Variants in HSPG2 observed in about 807,000 individuals in gnomAD.
The protein encoded by HSPG2 is basement membrane-specific heparan sulfate proteoglycan core protein.
In HSPG2, 278 loss-of-function variants were observed where a neutral mutation model predicts 526.6. That is an observed-to-expected ratio of 0.53 (90% CI 0.48 to 0.58). The LOEUF (loss-of-function observed/expected upper bound fraction) is 0.58. HSPG2 is among the 20% of genes least tolerant of loss of function. The pLI is 0.00. For missense variants in HSPG2, 5,354 were observed against 6,099.5 expected, an observed-to-expected ratio of 0.88 and a Z score of 4.07; for synonymous variants, 2,465 against 2,555.4, an observed-to-expected ratio of 0.96 and a Z score of 1.07.
intron 86 of HSPG2, 67 bp downstream of exon 86, chr1:21,829,926 G>T: frequency 7.5e-7 from 1 of 1,331,990 alleles, no homozygotes; most frequent in Non-Finnish European, 1.1e-6. Context: ...CATGGCCTCA[G>T]AGTGCCCCAC....
intron 33 of HSPG2, among the ~76,000 whole-genome samples, chr1:21,869,883 G>A (rs1033607528): frequency 1.3e-5 from 2 of 152,238 alleles, no homozygotes; most frequent in African/African-American, 2.4e-5. Context: ...CCTATGGGCC[G>A]TGACTGATGG....
At chr1:21,931,162 C>T (rs1644336600) in intron 1 of HSPG2, among the ~76,000 whole-genome samples, 1 of 152,236 alleles carries the variant, frequency 6.6e-6, no homozygotes, top group South Asian at 2.1e-4. Flanking sequence ...CCACCTTGTT[C>T]TCAGGGCTTT....
chr1:21,915,122 C>T lies in HSPG2; in HGVS notation c.64-18812G>A, dbSNP rs1245545364. Reference sequence around the variant, plus strand: ...CAGCGGGCCAGCCCTCACGGGCACCCGGCCAGATCGTGAGGCCCAGCCAAG... The same window carrying T: ...CAGCGGGCCAGCCCTCACGGGCACCTGGCCAGATCGTGAGGCCCAGCCAAG... On this transcript the variant is annotated intron_variant, in intron 1 of 96. Coordinates refer to ENST00000374695, the MANE Select transcript of HSPG2 (RefSeq NM_005529.7). 2.0e-5 allele frequency among the ~76,000 whole-genome samples: 3 copies of T among 152,272 alleles called. No homozygotes were observed. The South Asian group carries it at 6.2e-4, about 32-fold the overall frequency.
chr1:21,836,964 G>C lies in HSPG2; in HGVS notation c.10193C>G (p.Ser3398Cys), dbSNP rs1273391185. The change falls in exon 75 of 97, where the codon TCC becomes TGC. Residue 3398 changes from serine (S) to cysteine (C), a missense_variant. By Grantham distance (112) the Ser-to-Cys change is moderately radical. Transcript: ENST00000374695. ...AGGCGTGACCTGCACGGTGGGCGTG[G>C]ACCCTGCTGGGATGGAGGTGGCAGG... ...SLPATSIPAG[S>C]TPTVQVTPQL... is the part of the protein sequence containing the mutation. 6.4e-6 allele frequency: 10 copies of C among 1,554,652 alleles called. No homozygotes were observed. Among genetic ancestry groups the C allele is most frequent in the Non-Finnish European group, 8.7e-6 (10 of 1,149,078 alleles).
chr1:21,843,541 C>T (rs568148346), intron 65 of HSPG2, 103 bp from the exon 66 acceptor site: 36 of 1,298,050 alleles, frequency 2.8e-5, no homozygotes, highest in African/African-American at 1.0e-4. Flanking sequence ...GATATGTAGG[C>T]GCATCCTGTT....
chr1:21,880,483 A>G lies in HSPG2; in HGVS notation c.2075T>C (p.Val692Ala). The G allele has an allele frequency of 6.2e-7, 1 of 1,613,728 alleles. No individual in the cohort carries two copies. Among genetic ancestry groups the G allele is most frequent in the Non-Finnish European group, 8.5e-7 (1 of 1,179,948 alleles). ...GGTGTTGTACACGGTCTGGATGAGC[A>G]CGGCCTCCAGGCTCTGCAGCACCTG... ...LLQVLQSLEAVLIQTVYNTKM... is the reference protein window; with the variant it reads ...LLQVLQSLEAALIQTVYNTKM... The change falls in exon 16 of 97, where the codon GTG becomes GCG. Residue 692 changes from valine to alanine, a missense_variant. Val to Ala is a moderately conservative substitution (Grantham distance 64, BLOSUM62 0). Coordinates refer to ENST00000374695, the MANE Select transcript of HSPG2 (RefSeq NM_005529.7).
intron 1 of HSPG2, among the ~76,000 whole-genome samples, chr1:21,924,204 G>A (rs1644122475): frequency 6.6e-6 from 1 of 152,218 alleles, no homozygotes; most frequent in South Asian, 2.1e-4. Flanking sequence ...AGCTCATGGA[G>A]CAGGGAATAG....
rs370883205 is a variant in HSPG2, at chr1:21,833,539, C to T, written c.10906G>A (p.Ala3636Thr). ...GTGGCGGTGCAGACGTAGGTACCTG[C>T]GTCCTGGGGTCGGACTGAGGGCAGC... is the stretch of plus-strand genomic sequence containing the variant. ...LMLPSVRPQDAGTYVCTATNR... is the reference protein window; with the variant it reads ...LMLPSVRPQDTGTYVCTATNR... The change falls in exon 79 of 97, where the codon GCA becomes ACA. Residue 3636 changes from alanine to threonine, a missense_variant. Physicochemically the swap from Ala to Thr is moderately conservative, Grantham distance 58. Transcript: ENST00000374695. 9.3e-6 allele frequency: 15 copies of T among 1,613,982 alleles called. No homozygotes were observed. Among genetic ancestry groups the T allele is most frequent in the African/African-American group, 4.0e-5 (3 of 74,896 alleles).
chr1:21,846,227 T>A lies in HSPG2; in HGVS notation c.8345A>T (p.His2782Leu). 6.2e-7 allele frequency: 1 copy of A among 1,612,822 alleles called. No homozygotes were observed. The highest frequency in any genetic ancestry group is 8.5e-7 in the Non-Finnish European group (1 of 1,179,944). Residue 2782 changes from histidine to leucine, a missense_variant, in exon 64 of 97, where the codon CAT becomes CTT. His to Leu is a moderately conservative substitution (Grantham distance 99, BLOSUM62 -3). Coordinates refer to ENST00000374695, the MANE Select transcript of HSPG2 (RefSeq NM_005529.7). The part of the protein sequence containing the change: ...QTRGSRLRLH[H>L]VSPADSGEYV... ...TTCACCCGAGTCGGCCGGGGACACA[T>A]GGTGCAGCCGCAGCCGTGAGCCGCG...
intron 3 of HSPG2, among the ~76,000 whole-genome samples, chr1:21,894,913 C>T (rs1269608163): frequency 6.6e-6 from 1 of 152,230 alleles, no homozygotes; most frequent in East Asian, 1.9e-4. Flanking sequence ...GGAAAACCTT[C>T]AGGCAGAGCC....
intron 1 of HSPG2, among the ~76,000 whole-genome samples, chr1:21,914,373 AT>A (rs1428593631): frequency 6.7e-6 from 1 of 150,096 alleles, no homozygotes; most frequent in Non-Finnish European, 1.5e-5. Context: ...AGCAGCATCT[AT>A]AAAGACCCCA....
intron 19 of HSPG2, 26 bp downstream of exon 19, chr1:21,878,551 C>T (rs1024384522): frequency 1.2e-6 from 2 of 1,613,908 alleles, no homozygotes; most frequent in African/African-American, 2.7e-5. Context: ...AGCCCCCTTC[C>T]TGCAGCCCCC....
In HSPG2 at chr1:21,890,390, C is replaced by T. The variant is rs768893803; in HGVS notation, c.413+37G>A. 2 of 1,603,842 alleles carry T rather than the reference C, an allele frequency of 1.2e-6. No homozygotes were observed. The highest frequency in any genetic ancestry group is 8.5e-7 in the Non-Finnish European group (1 of 1,170,776). On this transcript the variant is annotated intron_variant, in intron 5 of 96. Transcript: ENST00000374695. This position sits in a 1 kb window ranked among gnomAD's most constrained non-coding sequence, Gnocchi z 4.1. ...ATCAGCCCCCTCCAGGTTACCCGCT[C>T]AAGTCCCCCAGCAGCCCCCAGGGAG...
chr1:21,899,855 G>A (rs1241259860), intron 1 of HSPG2, among the ~76,000 whole-genome samples: 1 of 152,228 alleles, frequency 6.6e-6, no homozygotes, highest in Non-Finnish European at 1.5e-5. Context: ...CAGGAAATGA[G>A]GCAGGGCTGG....
Position 21,829,513 on chromosome 1 carries a change from G to A in HSPG2, c.11862C>T (p.Asp3954=), listed in dbSNP as rs747730929. ...CAGGGGCGAGTGGCTTGAACTCCAC[G>A]TCCAGGCGTAGCTCGTGGTGTGTGT... ...LTNTHHELRL[D]VEFKPLAPDG... The change falls in exon 87 of 97, where the codon GAC becomes GAT. Residue 3954 remains aspartate (D), a synonymous_variant. Coordinates refer to ENST00000374695, the MANE Select transcript of HSPG2 (RefSeq NM_005529.7). The A allele has an allele frequency of 3.7e-6, 6 of 1,613,158 alleles. No homozygotes were observed. The East Asian group carries it at 6.7e-5, about 18-fold the overall frequency.
chr1:21,834,975 A>G (rs1157515019), intron 76 of HSPG2, 30 bp from the exon 77 acceptor site: 7 of 1,607,228 alleles, frequency 4.4e-6, no homozygotes, highest in Non-Finnish European at 5.9e-6. Flanking sequence ...AGGTCCAGTG[A>G]GATCAGTCAC....
At position 21,847,326 on chromosome 1, in the gene HSPG2, C is replaced by A; in HGVS notation, c.8164+28G>T. On this transcript the variant is annotated intron_variant, in intron 62 of 96. Coordinates refer to ENST00000374695, the MANE Select transcript of HSPG2 (RefSeq NM_005529.7). This position sits in a 1 kb window ranked among gnomAD's most constrained non-coding sequence, Gnocchi z 4.1. ...CCCCAGGGAACACTGTTGCCTGCAT[C>A]CCTCGTCCCTTTCCTAGGCAGACTC... 1 of 1,613,602 alleles carries A rather than the reference C, an allele frequency of 6.2e-7. No homozygotes were observed. Among genetic ancestry groups the A allele is most frequent in the Non-Finnish European group, 8.5e-7 (1 of 1,179,904 alleles).
At position 21,872,727 on chromosome 1, in the gene HSPG2, G is replaced by A. The variant is rs758559575; in HGVS notation, c.3922C>T (p.Arg1308Trp). ...QVEGLTCSHC[R>W]PHHFHLSASN... The stretch of plus-strand genomic sequence containing the variant: ...GCACTCAGGTGGAAGTGGTGGGGCC[G>A]GCAGTGGCTGCAAGTGAGGCCTTCC... Residue 1308 changes from arginine (R) to tryptophan (W), a missense_variant, in exon 32 of 97, where the codon CGG (arginine) becomes TGG (tryptophan). Arg to Trp is a moderately radical substitution (Grantham distance 101). Transcript: ENST00000374695. The surrounding 1 kb of genome is among the most constrained non-coding windows in gnomAD (Gnocchi z 5.5). 2.5e-5 allele frequency: 40 copies of A among 1,608,944 alleles called. No homozygotes were observed. Among genetic ancestry groups the A allele is most frequent in the Middle Eastern group, 3.3e-4 (2 of 5,984 alleles).
intron 71 of HSPG2, 29 bp from the exon 72 acceptor site, chr1:21,840,046 T>C (rs2098042362): frequency 1.2e-6 from 2 of 1,608,244 alleles, no homozygotes. Context: ...GCTGGTTATG[T>C]GGGGACTCAG....
Sources: allele counts gnomAD v4.1 joint callset (sites outside exome capture counted in the v4.1 genomes callset), GRCh38; gene constraint gnomAD v4.1.1; non-coding constraint Gnocchi (gnomAD v3.1); transcripts MANE v1.5; gene names NCBI Gene and HGNC (gene_info 2026-07-23, HGNC 2026-07-21).